ASTN1: variants seen among roughly 807,000 people sequenced by gnomAD.
ASTN1 encodes astrotactin 1, also known as astrotactin-1.
A neutral mutation model predicts 140.7 loss-of-function variants in ASTN1; 41 were observed. The observed-to-expected ratio is 0.29, with a 90% CI of 0.23 to 0.38. ASTN1 has a LOEUF of 0.38. ASTN1 is among the 10% of genes least tolerant of loss of function. The pLI, the probability that ASTN1 is intolerant of heterozygous loss-of-function variation, is 1.00. For synonymous variants in ASTN1, 640 were observed against 652.2 expected, an observed-to-expected ratio of 0.98 and a Z score of 0.29; for missense variants, 1,479 against 1,678.8, an observed-to-expected ratio of 0.88 and a Z score of 2.08.
intron 1 of ASTN1, 78 bp from the exon 2 acceptor site, chr1:177,061,343 C>T: frequency 1.5e-6 from 2 of 1,346,766 alleles, no homozygotes; most frequent in Admixed American, 2.7e-5. Context: ...GCCACTTGTA[C>T]CAATTAGCCA....
At chr1:176,905,696 C>T (rs566949521) in intron 16 of ASTN1, among the ~76,000 whole-genome samples, 25 of 152,206 alleles carry the variant, frequency 1.6e-4, no homozygotes, top group Admixed American at 6.5e-4. Flanking sequence ...GTTCTCTCAC[C>T]GCTTAGTCCT....
chr1:177,131,999 C>T (rs1681966217), intron 1 of ASTN1, among the ~76,000 whole-genome samples: 1 of 152,132 alleles, frequency 6.6e-6, no homozygotes, highest in Non-Finnish European at 1.5e-5. Context: ...CCTACCAGGT[C>T]CCACCTCCCA....
intron 1 of ASTN1, among the ~76,000 whole-genome samples, chr1:177,107,731 T>C (rs537523451): frequency 1.3e-5 from 2 of 152,318 alleles, no homozygotes; most frequent in South Asian, 2.1e-4. Context: ...CAGAGCACCT[T>C]GCTGTTATCA....
At chr1:176,919,778 G>T (rs2103071575) in intron 16 of ASTN1, among the ~76,000 whole-genome samples, 1 of 152,388 alleles carries the variant, frequency 6.6e-6, no homozygotes, top group South Asian at 2.1e-4. Flanking sequence ...AGGGCAGCCT[G>T]CATGGGCAAT....
intron 1 of ASTN1, among the ~76,000 whole-genome samples, chr1:177,062,508 A>T (rs1678150382): frequency 6.7e-6 from 1 of 149,464 alleles, no homozygotes; most frequent in African/African-American, 2.5e-5. Context: ...GCCTCCCAAA[A>T]TGTTGGGATT....
chr1:177,060,083 G>A (rs574248911), intron 2 of ASTN1, among the ~76,000 whole-genome samples: 46 of 152,288 alleles, frequency 3.0e-4, no homozygotes, highest in African/African-American at 9.9e-4. Flanking sequence ...TCAACGATGT[G>A]AATGCATTGT....
chr1:176,869,126 CAT>C, intron 21 of ASTN1, 99 bp from the exon 22 acceptor site: 1 of 782,974 alleles, frequency 1.3e-6, no homozygotes, highest in Non-Finnish European at 1.8e-6. Context: ...AGACATATCA[CAT>C]ATAAACATAT....
At chr1:176,937,161 G>T (rs1356636922) in intron 14 of ASTN1, among the ~76,000 whole-genome samples, 3 of 152,112 alleles carry the variant, frequency 2.0e-5, no homozygotes, top group African/African-American at 7.2e-5. Flanking sequence ...TTTAATGGTT[G>T]CAGTAATTGA....
At chr1:177,147,383 G>A (rs1682766820) in intron 1 of ASTN1, among the ~76,000 whole-genome samples, 1 of 152,274 alleles carries the variant, frequency 6.6e-6, no homozygotes, top group Non-Finnish European at 1.5e-5. Flanking sequence ...GCCAGAATCT[G>A]TGGACACAGA....
chr1:177,017,089 A>G (rs1259602410), intron 7 of ASTN1, among the ~76,000 whole-genome samples: 1 of 152,234 alleles, frequency 6.6e-6, no homozygotes, highest in Non-Finnish European at 1.5e-5. Context: ...AACAACTCAA[A>G]GTTCAAGCCG....
At chr1:176,972,669 C>T (rs1370482924) in intron 8 of ASTN1, among the ~76,000 whole-genome samples, 1 of 151,858 alleles carries the variant, frequency 6.6e-6, no homozygotes, top group Non-Finnish European at 1.5e-5. Flanking sequence ...TGGCCTCAAA[C>T]TCATATTATT....
chr1:176,956,203 C>T (rs917569707), intron 11 of ASTN1, among the ~76,000 whole-genome samples: 2 of 152,174 alleles, frequency 1.3e-5, no homozygotes, highest in African/African-American at 4.8e-5. Flanking sequence ...CTTTCCCCTC[C>T]TTATCATGGA....
rs1213587346 is a variant in ASTN1 at position 176,862,674 on chromosome 1, T to C, written c.*1610A>G. 1 of 915,358 alleles carries C rather than the reference T, an allele frequency of 1.1e-6. No individual in the cohort carries two copies. The highest frequency in any genetic ancestry group is 1.8e-5 in the African/African-American group (1 of 55,638). The allele number at this position is 915,358 out of a possible 1,614,324, so 56.7% of individuals were successfully genotyped here. On this transcript the variant is annotated 3_prime_UTR_variant, in exon 23 of 23. Coordinates refer to ENST00000361833, the MANE Select transcript of ASTN1 (RefSeq NM_004319.3). ...CACAAGGGATTTGAGGCAAGTTGTA[T>C]AACCTCTCTTTGCCTCGTTTTCCTC...
chr1:176,908,952 G>T (rs915445366), intron 16 of ASTN1, among the ~76,000 whole-genome samples: 1 of 152,180 alleles, frequency 6.6e-6, no homozygotes, highest in Non-Finnish European at 1.5e-5. Context: ...GCCCACCAAG[G>T]CTCCATTGGC....
intron 1 of ASTN1, among the ~76,000 whole-genome samples, chr1:177,126,478 G>A (rs1018661539): frequency 6.6e-6 from 1 of 152,154 alleles, no homozygotes; most frequent in Non-Finnish European, 1.5e-5. Context: ...AGTGGCCACT[G>A]CAGGAGCCAG....
chr1:177,119,345 T>A (rs1681262451), intron 1 of ASTN1, among the ~76,000 whole-genome samples: 1 of 152,220 alleles, frequency 6.6e-6, no homozygotes, highest in African/African-American at 2.4e-5. Flanking sequence ...GCTACTGAAT[T>A]CACAGATTGT....
At chr1:177,022,091 G>A (rs1001519500) in intron 7 of ASTN1, among the ~76,000 whole-genome samples, 1 of 152,196 alleles carries the variant, frequency 6.6e-6, no homozygotes, top group Non-Finnish European at 1.5e-5. Context: ...TAACACCTAA[G>A]ATGGTGAATT....
At chr1:177,094,202 A>C (rs1046807514) in intron 1 of ASTN1, among the ~76,000 whole-genome samples, 2 of 152,226 alleles carry the variant, frequency 1.3e-5, no homozygotes, top group African/African-American at 4.8e-5. Context: ...TGATAACATC[A>C]AGGCTCACAG....
intron 11 of ASTN1, among the ~76,000 whole-genome samples, chr1:176,954,858 GT>G (rs1672334065): frequency 1.3e-5 from 2 of 152,160 alleles, no homozygotes; most frequent in South Asian, 4.1e-4. Flanking sequence ...TTTGTTTCCT[GT>G]CCTCAGAGAC....
Sources: gnomAD v4.1 joint callset for allele counts (sites outside exome capture counted in the v4.1 genomes callset) on GRCh38, gnomAD v4.1.1 for gene constraint, MANE v1.5 for transcripts, NCBI Gene and HGNC (gene_info 2026-07-23, HGNC 2026-07-21) for gene names.